Variants in NPHP1 observed in about 807,000 individuals in gnomAD.
The protein encoded by NPHP1 is nephrocystin-1.
NPHP1 carries 70 observed loss-of-function variants against 90.4 expected under a neutral mutation model. The observed-to-expected ratio is 0.77, with a 90% confidence interval of 0.64 to 0.95. NPHP1 has a LOEUF of 0.95. NPHP1 is among the 40% of genes least tolerant of loss of function. The pLI is 0.00. For synonymous variants in NPHP1, 256 were observed against 271.7 expected, an observed-to-expected ratio of 0.94 and a Z score of 0.57; for missense variants, 764 against 795.9, an observed-to-expected ratio of 0.96 and a Z score of 0.48.
chr2:110,149,781 C>G (rs914958751), intron 12 of NPHP1, among the ~76,000 whole-genome samples: 1 of 152,288 alleles, frequency 6.6e-6, no homozygotes, highest in Middle Eastern at 3.4e-3. Context: ...TTTAAACCCA[C>G]CTAATGCCAT....
At chr2:110,200,574 T>C (rs1170627013) in intron 2 of NPHP1, among the ~76,000 whole-genome samples, 1 of 152,106 alleles carries the variant, frequency 6.6e-6, no homozygotes, top group Non-Finnish European at 1.5e-5. Flanking sequence ...AAAAATAAAA[T>C]AATAATAATT....
chr2:110,134,521 A>G (rs1288805906), intron 16 of NPHP1, among the ~76,000 whole-genome samples: 1 of 151,370 alleles, frequency 6.6e-6, no homozygotes, highest in Non-Finnish European at 1.5e-5. Flanking sequence ...AAAGCCAACA[A>G]TACTACAAGA....
chr2:110,125,771 G>A, intron 18 of NPHP1, 90 bp from the exon 19 acceptor site: 1 of 1,069,916 alleles, frequency 9.3e-7, no homozygotes, highest in Non-Finnish European at 1.4e-6. Context: ...TAAACTTATG[G>A]ACAGGGTTAA....
intron 1 of NPHP1, chr2:110,202,513 C>T: frequency 2.3e-6 from 1 of 435,832 alleles, no homozygotes; most frequent in Middle Eastern, 3.4e-4. Context: ...CTAATACTAT[C>T]AAAACAAACT....
At chr2:110,143,854 G>A in intron 15 of NPHP1, 2 of 533,260 alleles carry the variant, frequency 3.8e-6, no homozygotes, top group Non-Finnish European at 6.7e-6. Flanking sequence ...ATTGCTGCCA[G>A]ATTACAAAGG....
chr2:110,198,311 G>C (rs1423295659), intron 2 of NPHP1, among the ~76,000 whole-genome samples: 1 of 152,134 alleles, frequency 6.6e-6, no homozygotes, highest in African/African-American at 2.4e-5. Flanking sequence ...CTGATGAAAA[G>C]ACATGCACAG....
intron 2 of NPHP1, among the ~76,000 whole-genome samples, chr2:110,194,728 C>G (rs1166391135): frequency 6.6e-6 from 1 of 152,130 alleles, no homozygotes; most frequent in Non-Finnish European, 1.5e-5. Context: ...AGACCAGTAT[C>G]CCTGATGAAC....
At chr2:110,202,761 A>C (rs1288140690) in intron 1 of NPHP1, among the ~76,000 whole-genome samples, 6 of 152,182 alleles carry the variant, frequency 3.9e-5, no homozygotes, top group African/African-American at 1.4e-4. Context: ...TTATTAAAAA[A>C]TCAAGAAATG....
In NPHP1 at chr2:110,143,817, T is replaced by C. The variant is rs1309906941; in HGVS notation, c.1430-176A>G. On this transcript the variant is annotated intron_variant, in intron 15 of 19. Transcript: ENST00000445609. ...GACCTCCCTAAGGGCACAGGATTGT[T>C]TGCTAAATCACATGAGTTACAGCAT... 4 of 600,474 alleles carry C rather than the reference T, an allele frequency of 6.7e-6. No individual in the cohort carries two copies. In the African/African-American group the frequency reaches 7.4e-5, roughly 11 times the overall value. 37.2% of individuals were successfully genotyped at this position (600,474 alleles called of 1,614,324 possible).
chr2:110,150,536 T>C (rs1165355092), intron 11 of NPHP1, among the ~76,000 whole-genome samples: 1 of 152,076 alleles, frequency 6.6e-6, no homozygotes, highest in African/African-American at 2.4e-5. Context: ...AAATTTTAGG[T>C]AAAAATGGCC....
In NPHP1 at chr2:110,157,405, G is replaced by C. The variant is rs369756183; in HGVS notation, c.1083+2722C>G. ...GTGATTTTGTGCAGAATGTATTATG[G>C]AAGTGAGGGAGGATTACCGTCATAA... On this transcript the variant is annotated intron_variant, in intron 11 of 19. Transcript: ENST00000445609. Among the ~76,000 whole-genome samples, 21 of 152,160 alleles carry C rather than the reference G, an allele frequency of 1.4e-4. No individual in the cohort carries two copies. In the East Asian group the frequency reaches 2.5e-3, roughly 18 times the overall value.
chr2:110,171,072 A>G (rs1280892752), intron 4 of NPHP1, among the ~76,000 whole-genome samples: 1 of 152,164 alleles, frequency 6.6e-6, no homozygotes, highest in African/African-American at 2.4e-5. Context: ...GAAAGGCTAA[A>G]GGTGAGGGTG....
At chr2:110,159,359 T>C (rs1000581946) in intron 11 of NPHP1, among the ~76,000 whole-genome samples, 4 of 152,034 alleles carry the variant, frequency 2.6e-5, no homozygotes, top group Non-Finnish European at 5.9e-5. Context: ...ATTGGTATTA[T>C]TTCTTCTTTA....
intron 8 of NPHP1, 133 bp downstream of exon 8, chr2:110,164,555 C>T: frequency 1.3e-6 from 2 of 1,588,486 alleles, no homozygotes; most frequent in Non-Finnish European, 1.7e-6. Context: ...AATATACGTC[C>T]TCTGCTCTGT....
At chr2:110,155,040 T>A (rs1574106908) in intron 11 of NPHP1, among the ~76,000 whole-genome samples, 1 of 152,028 alleles carries the variant, frequency 6.6e-6, no homozygotes, top group Non-Finnish European at 1.5e-5. Flanking sequence ...AATGGTTTCA[T>A]GGGCCAGGCC....
intron 16 of NPHP1, among the ~76,000 whole-genome samples, chr2:110,140,403 A>G (rs2104468359): frequency 6.6e-6 from 1 of 152,248 alleles, no homozygotes; most frequent in East Asian, 1.9e-4. Flanking sequence ...TGAGGTATGG[A>G]GCACAAGGAC....
chr2:110,198,728 G>A (rs1349816531), intron 2 of NPHP1, among the ~76,000 whole-genome samples: 1 of 152,026 alleles, frequency 6.6e-6, no homozygotes, highest in Non-Finnish European at 1.5e-5. Flanking sequence ...CTACTTCCGA[G>A]CCTCTGATAA....
Position 110,194,929 on chromosome 2 carries a change from C to T in NPHP1, c.143+6492G>A, listed in dbSNP as rs1685046824. Among the ~76,000 whole-genome samples, 7 of 151,880 alleles carry T rather than the reference C, an allele frequency of 4.6e-5. No individual in the cohort carries two copies. The South Asian group carries it at 1.5e-3, about 31-fold the overall frequency. ...AACCACATGATTATCTCAATAGATGCAGAAAAGGCCTTTGACAAAATTTAA... is the reference window on the plus strand; with the variant it reads ...AACCACATGATTATCTCAATAGATGTAGAAAAGGCCTTTGACAAAATTTAA... On this transcript the variant is annotated intron_variant, in intron 2 of 19. Coordinates refer to ENST00000445609, the MANE Select transcript of NPHP1 (RefSeq NM_001128178.3).
chr2:110,155,584 C>A (rs113766754), intron 11 of NPHP1, among the ~76,000 whole-genome samples: 1 of 152,200 alleles, frequency 6.6e-6, no homozygotes, highest in African/African-American at 2.4e-5. Flanking sequence ...GAACCCACCT[C>A]TTACATCAGC....
Sources: allele counts gnomAD v4.1 joint callset (sites outside exome capture counted in the v4.1 genomes callset), GRCh38; gene constraint gnomAD v4.1.1; transcripts MANE v1.5; gene names NCBI Gene and HGNC (gene_info 2026-07-23, HGNC 2026-07-21).